GAS7: variants seen among roughly 807,000 people sequenced by gnomAD.
GAS7 encodes growth arrest-specific protein 7.
Under a neutral mutation model 71.1 loss-of-function variants are expected in GAS7, and 28 were observed. The ratio of observed to expected loss-of-function variants is 0.39; its 90% CI spans 0.29 to 0.54. The LOEUF (loss-of-function observed/expected upper bound fraction) is 0.54, where lower values mean the gene tolerates loss of function less well. Among genes scored for constraint, GAS7 ranks in the 20% least tolerant of loss-of-function variants. The probability of loss-of-function intolerance (pLI) is 0.62; values close to 1 mark genes in which losing one functional copy is unlikely to be tolerated. For synonymous variants in GAS7, 258 were observed against 245.8 expected (o/e 1.05, Z -0.46); for missense variants, 436 against 627.8 (o/e 0.69, Z 3.27).
At chr17:10,081,580 T>C (rs1051059052) in intron 1 of GAS7, among the ~76,000 whole-genome samples, 1 of 152,112 alleles carries the variant, frequency 6.6e-6, no homozygotes, top group African/African-American at 2.4e-5. Flanking sequence ...GGTAAAGCAA[T>C]GACTGAAAGA....
At chr17:10,089,764 A>G (rs1024359488) in intron 1 of GAS7, among the ~76,000 whole-genome samples, 5 of 152,220 alleles carry the variant, frequency 3.3e-5, no homozygotes, top group African/African-American at 1.2e-4. Flanking sequence ...CTTGTCTGTT[A>G]TAACAGGAAC....
intron 1 of GAS7, among the ~76,000 whole-genome samples, chr17:10,084,744 G>A (rs1166116371): frequency 1.3e-5 from 2 of 152,226 alleles, no homozygotes; most frequent in Admixed American, 6.5e-5. Context: ...TGGGATTACA[G>A]GCGTGAGCCC....
intron 2 of GAS7, among the ~76,000 whole-genome samples, chr17:9,995,611 A>G (rs1355961424): frequency 2.0e-5 from 3 of 152,130 alleles, no homozygotes; most frequent in South Asian, 4.1e-4. Context: ...GTAAGATACT[A>G]TGTTTTCACC....
intron 1 of GAS7, among the ~76,000 whole-genome samples, chr17:10,122,473 C>T (rs1002615012): frequency 1.3e-5 from 2 of 152,132 alleles, no homozygotes; most frequent in African/African-American, 4.8e-5. Context: ...CGAGAAAGGC[C>T]CCCTGGGACC....
chr17:10,157,339 C>T (rs1380655738), intron 1 of GAS7, among the ~76,000 whole-genome samples: 1 of 152,068 alleles, frequency 6.6e-6, no homozygotes, highest in Non-Finnish European at 1.5e-5. Context: ...CCGGGAACAC[C>T]CTTCTTTGCA....
chr17:10,190,056 C>T (rs1486176986), intron 1 of GAS7, among the ~76,000 whole-genome samples: 8 of 152,116 alleles, frequency 5.3e-5, no homozygotes, highest in African/African-American at 1.7e-4. Flanking sequence ...AACACAGGCA[C>T]GCCCATTGGC....
intron 1 of GAS7, among the ~76,000 whole-genome samples, chr17:10,029,213 G>A (rs924956108): frequency 1.1e-4 from 16 of 152,158 alleles, no homozygotes; most frequent in Non-Finnish European, 7.3e-5. Context: ...AGACATCTCC[G>A]GTGCATGATG....
At chr17:10,003,936 C>T (rs1170767748) in intron 2 of GAS7, among the ~76,000 whole-genome samples, 1 of 152,194 alleles carries the variant, frequency 6.6e-6, no homozygotes, top group African/African-American at 2.4e-5. Context: ...GCTATTACCC[C>T]ACTCCAAGGT....
intron 5 of GAS7, among the ~76,000 whole-genome samples, chr17:9,948,179 T>C (rs1285510699): frequency 6.6e-6 from 1 of 152,264 alleles, no homozygotes; most frequent in African/African-American, 2.4e-5. Flanking sequence ...TTTTGGACTA[T>C]GGGTGAGGAG....
At chr17:10,021,446 G>T (rs1363809158) in intron 1 of GAS7, among the ~76,000 whole-genome samples, 5 of 152,184 alleles carry the variant, frequency 3.3e-5, no homozygotes, top group African/African-American at 1.2e-4. Flanking sequence ...AGCTGCTCGG[G>T]GACTTTGAGT....
chr17:10,147,486 G>A (rs574393384), intron 1 of GAS7, among the ~76,000 whole-genome samples: 31 of 152,228 alleles, frequency 2.0e-4, no homozygotes, highest in African/African-American at 7.2e-4. Flanking sequence ...TTCTGTAAAC[G>A]GTTTTTGAGC....
chr17:10,129,953 C>T (rs928666765), intron 1 of GAS7, among the ~76,000 whole-genome samples: 14 of 152,088 alleles, frequency 9.2e-5, no homozygotes, highest in East Asian at 5.8e-4. Context: ...GCAGGTGGAT[C>T]GCGAGGTCAG....
At chr17:9,983,546 G>A (rs1278421427) in intron 2 of GAS7, among the ~76,000 whole-genome samples, 3 of 151,442 alleles carry the variant, frequency 2.0e-5, no homozygotes, top group Non-Finnish European at 4.4e-5. Flanking sequence ...CAGCAATTTG[G>A]GAGGCCGAGG....
At chr17:10,015,726 A>G (rs1356131466) in intron 2 of GAS7, among the ~76,000 whole-genome samples, 1 of 152,118 alleles carries the variant, frequency 6.6e-6, no homozygotes, top group Non-Finnish European at 1.5e-5. Context: ...TATTAATATG[A>G]TGTTCATGGG....
chr17:10,094,757 C>T (rs559971698), intron 1 of GAS7, among the ~76,000 whole-genome samples: 83 of 152,238 alleles, frequency 5.5e-4, no homozygotes, highest in Non-Finnish European at 1.0e-3. Flanking sequence ...TGTGAGCCAC[C>T]GCGCCCGGCC....
chr17:10,024,775 T>C (rs2072403157), intron 1 of GAS7, among the ~76,000 whole-genome samples: 1 of 152,154 alleles, frequency 6.6e-6, no homozygotes, highest in African/African-American at 2.4e-5. Flanking sequence ...ATGGATCTTC[T>C]GTCCCCTAAA....
chr17:10,063,652 C>T (rs940444518), intron 1 of GAS7, among the ~76,000 whole-genome samples: 2 of 152,132 alleles, frequency 1.3e-5, no homozygotes, highest in African/African-American at 4.8e-5. Flanking sequence ...AGGATCTCAT[C>T]CAAGGTCAGG....
At chr17:10,146,756 G>A (rs558524528) in intron 1 of GAS7, among the ~76,000 whole-genome samples, 233 of 152,048 alleles carry the variant, frequency 1.5e-3, no homozygotes, top group Non-Finnish European at 3.0e-3. Context: ...AGGCCGAGGC[G>A]GGCGGATCAC....
intron 4 of GAS7, among the ~76,000 whole-genome samples, chr17:9,966,447 A>G (rs1046806532): frequency 4.6e-5 from 7 of 151,730 alleles, no homozygotes; most frequent in Non-Finnish European, 8.8e-5. Flanking sequence ...CACTTTATCC[A>G]CCCCACATGC....
Sources: gnomAD v4.1 joint callset for allele counts (sites outside exome capture counted in the v4.1 genomes callset) on GRCh38, gnomAD v4.1.1 for gene constraint, MANE v1.5 for transcripts, NCBI Gene and HGNC (gene_info 2026-07-23, HGNC 2026-07-21) for gene names.